Variants in SCML4 observed in about 807,000 individuals in gnomAD.
SCML4 encodes the protein Scm polycomb group protein like 4, also known as sex comb on midleg-like protein 4.
In SCML4, 34 loss-of-function variants were observed where a neutral mutation model predicts 41.1. The observed-to-expected ratio is 0.83, with a 90% CI of 0.63 to 1.10. The LOEUF is 1.10. SCML4 is among the 50% of genes least tolerant of loss of function. The pLI, the probability that SCML4 is intolerant of heterozygous loss-of-function variation, is 0.00. For synonymous variants in SCML4, 214 were observed against 220.9 expected, an observed-to-expected ratio of 0.97 and a Z score of 0.28; for missense variants, 522 against 534.1, an observed-to-expected ratio of 0.98 and a Z score of 0.22.
chr6:107,825,854 G>A (rs748872907), upstream of SCML4, among the ~76,000 whole-genome samples: 5 of 145,434 alleles, frequency 3.4e-5, no homozygotes, highest in Admixed American at 1.4e-4. Flanking sequence ...GGAGAATGGC[G>A]TGAACCCGGG....
chr6:107,789,060 G>T (rs1782119678), intron 1 of SCML4, among the ~76,000 whole-genome samples: 1 of 152,184 alleles, frequency 6.6e-6, no homozygotes, highest in Admixed American at 6.5e-5. Context: ...CTGTGGGCAG[G>T]TCACTACTTC....
rs75313901 is a variant in SCML4 at position 107,732,615 on chromosome 6, G to T, written c.683-11622C>A. 1.5e-3 allele frequency among the ~76,000 whole-genome samples: 228 copies of T among 152,234 alleles called. 3 individuals carry two copies. In the East Asian group the frequency reaches 0.03, roughly 20 times the overall value. The stretch of plus-strand genomic sequence containing the variant: ...GGAAATTTTGACCAAAGGCATTTTT[G>T]ACCAAAGTCATCTGTTTGGGATAAT... On this transcript the variant is annotated intron_variant, in intron 5 of 7. Transcript: ENST00000369020.
In SCML4 at chr6:107,745,126, C is replaced by A; in HGVS notation, c.505G>T (p.Gly169Cys). The A allele has an allele frequency of 6.3e-7, 1 of 1,586,206 alleles. No individual in the cohort carries two copies. Among genetic ancestry groups the A allele is most frequent in the Non-Finnish European group, 8.6e-7 (1 of 1,165,778 alleles). Residue 169 changes from glycine (G) to cysteine (C), a missense_variant, in exon 5 of 8, where the codon GGC becomes TGC. Gly to Cys is a radical substitution (Grantham distance 159). Transcript: ENST00000369020. ...GGCAGGCTCCGCAGGTGCTGTTTGC[C>A]ATCAAAGGAAGCCGAGACTGGAAAA... ...EMVSVSASFDGKQHLRSLPVV... is the reference protein window; with the variant it reads ...EMVSVSASFDCKQHLRSLPVV...
At chr6:107,759,151 A>AC (rs1405495492) in intron 2 of SCML4, among the ~76,000 whole-genome samples, 187 of 149,380 alleles carry the variant, frequency 1.3e-3, no homozygotes, top group Non-Finnish European at 2.4e-3. Context: ...AAAAAAAAAA[A>AC]AAACCTGAAA....
At chr6:107,757,627 A>C (rs1779223498) in intron 2 of SCML4, among the ~76,000 whole-genome samples, 2 of 152,212 alleles carry the variant, frequency 1.3e-5, no homozygotes, top group South Asian at 4.1e-4. Context: ...AGGCCCTCAG[A>C]GCCTGCCTTT....
At chr6:107,818,832 C>A (rs1784739995) in intron 1 of SCML4, among the ~76,000 whole-genome samples, 1 of 152,216 alleles carries the variant, frequency 6.6e-6, no homozygotes, top group Admixed American at 6.5e-5. Context: ...AAGTCTGCAT[C>A]TAAGGCAGGG....
chr6:107,707,767 C>T, intron 7 of SCML4, 99 bp downstream of exon 7: 1 of 1,477,894 alleles, frequency 6.8e-7, no homozygotes, highest in Non-Finnish European at 9.2e-7. Flanking sequence ...CACCCCTCCA[C>T]CACCTCCCCT....
intron 5 of SCML4, chr6:107,743,975 A>G (rs1034429069): frequency 4.0e-5 from 6 of 151,852 alleles, no homozygotes; most frequent in Admixed American, 1.3e-4. Flanking sequence ...TATTTGTAGC[A>G]GTTACTCTAC....
rs150012678 is a variant in SCML4, at chr6:107,809,614, T to C, written c.-60+14512A>G. Among the ~76,000 whole-genome samples the C allele has an allele frequency of 2.7e-3, 407 of 152,310 alleles. 2 individuals are homozygous for C. The highest frequency in any genetic ancestry group is 9.1e-3 in the African/African-American group (380 of 41,568). On this transcript the variant is annotated intron_variant, in intron 1 of 7. Transcript: ENST00000369020. ...GGAGAGTTTGGGATTCTAAAACTGT[T>C]ATCTTGGATAGCTGGGGAAGCAGTG...
chr6:107,760,785 G>A (rs1050029498), intron 2 of SCML4, among the ~76,000 whole-genome samples: 3 of 152,032 alleles, frequency 2.0e-5, no homozygotes, highest in African/African-American at 7.2e-5. Context: ...CAAATATTAA[G>A]ATATTTCAAT....
chr6:107,821,685 C>T (rs914626429), intron 1 of SCML4, among the ~76,000 whole-genome samples: 5 of 152,170 alleles, frequency 3.3e-5, no homozygotes, highest in African/African-American at 7.2e-5. Flanking sequence ...TCACCTGCCA[C>T]GCTCTTCAGG....
At chr6:107,739,784 G>T (rs1268075805) in intron 5 of SCML4, among the ~76,000 whole-genome samples, 1 of 152,196 alleles carries the variant, frequency 6.6e-6, no homozygotes, top group Non-Finnish European at 1.5e-5. Context: ...ACTTTGACAA[G>T]GCGATCTTAA....
intron 2 of SCML4, among the ~76,000 whole-genome samples, chr6:107,767,892 C>T (rs1780194213): frequency 6.6e-6 from 1 of 152,104 alleles, no homozygotes; most frequent in Non-Finnish European, 1.5e-5. Flanking sequence ...TGTTCCCATT[C>T]TGTTGTCTAA....
chr6:107,809,900 G>T (rs1784034553), intron 1 of SCML4, among the ~76,000 whole-genome samples: 1 of 152,176 alleles, frequency 6.6e-6, no homozygotes, highest in South Asian at 2.1e-4. Context: ...GGGAGACGGA[G>T]GTGGGAGGAT....
the SCML4 span, among the ~76,000 whole-genome samples, chr6:107,842,269 G>A: frequency 2.0e-5 from 3 of 151,850 alleles, no homozygotes; most frequent in Admixed American, 6.6e-5. Context: ...TCCATTATGC[G>A]CCAAGCACAT....
chr6:107,819,468 T>C (rs1784790305), intron 1 of SCML4, among the ~76,000 whole-genome samples: 1 of 152,176 alleles, frequency 6.6e-6, no homozygotes, highest in Admixed American at 6.5e-5. Context: ...ACACTATTTT[T>C]TCCTGGCATA....
intron 1 of SCML4, among the ~76,000 whole-genome samples, chr6:107,780,756 C>A (rs1781421103): frequency 6.6e-6 from 1 of 151,462 alleles, no homozygotes; most frequent in African/African-American, 2.4e-5. Context: ...CAGGACTCGT[C>A]AGAGATGACT....
chr6:107,711,016 C>A, intron 6 of SCML4, among the ~76,000 whole-genome samples: 2 of 57,440 alleles, frequency 3.5e-5, no homozygotes, highest in South Asian at 4.8e-4. Context: ...TGTCCCTGCA[C>A]AAACTCTTTT....
At chr6:107,814,427 G>T (rs1784417832) in intron 1 of SCML4, among the ~76,000 whole-genome samples, 1 of 152,224 alleles carries the variant, frequency 6.6e-6, no homozygotes, top group Non-Finnish European at 1.5e-5. Context: ...CTGTGACATG[G>T]AATGGTGATG....
Sources: gnomAD v4.1 joint callset for allele counts (sites outside exome capture counted in the v4.1 genomes callset) on GRCh38, gnomAD v4.1.1 for gene constraint, MANE v1.5 for transcripts, NCBI Gene and HGNC (gene_info 2026-07-23, HGNC 2026-07-21) for gene names.